The following MEOX2 variants were observed in gnomAD, a reference collection of about 807,000 sequenced individuals.
MEOX2 encodes homeobox protein MOX-2.
A neutral mutation model predicts 27.0 loss-of-function variants in MEOX2; 11 were observed. The observed-to-expected ratio is 0.41, with a 90% CI of 0.26 to 0.68. The LOEUF is 0.68. MEOX2 is among the 30% of genes least tolerant of loss of function. MEOX2 has a pLI of 0.33. For missense variants in MEOX2, 436 were observed against 385.4 expected (o/e 1.13, Z -1.10); for synonymous variants, 189 against 155.4 (o/e 1.22, Z -1.61).
At chr7:15,654,683 T>C (rs2115379332) in intron 1 of MEOX2, among the ~76,000 whole-genome samples, 1 of 151,954 alleles carries the variant, frequency 6.6e-6, no homozygotes. Context: ...GCTTTTAATA[T>C]GGTGAATTAC....
At chr7:15,613,592 AT>A (rs1268841100) in intron 2 of MEOX2, among the ~76,000 whole-genome samples, 1 of 152,062 alleles carries the variant, frequency 6.6e-6, no homozygotes, top group Non-Finnish European at 1.5e-5. Flanking sequence ...ACAAGCCTGA[AT>A]TTTGTGTGTC....
chr7:15,657,614 G>A (rs1781844540), intron 1 of MEOX2, among the ~76,000 whole-genome samples: 1 of 152,044 alleles, frequency 6.6e-6, no homozygotes, highest in Non-Finnish European at 1.5e-5. Flanking sequence ...TTTGTTCCAA[G>A]CATGTTTGTA....
chr7:15,621,834 A>G (rs1303243084), intron 2 of MEOX2, among the ~76,000 whole-genome samples: 1 of 152,186 alleles, frequency 6.6e-6, no homozygotes, highest in Non-Finnish European at 1.5e-5. Flanking sequence ...CAATTCTGTT[A>G]CAGGCCAGGT....
chr7:15,646,303 C>G (rs538531239), intron 1 of MEOX2, among the ~76,000 whole-genome samples: 4 of 152,170 alleles, frequency 2.6e-5, no homozygotes, highest in South Asian at 4.1e-4. Flanking sequence ...TCCTATAGCA[C>G]TTATATCTTC....
intron 1 of MEOX2, among the ~76,000 whole-genome samples, chr7:15,667,180 A>C (rs974437226): frequency 1.5e-4 from 23 of 150,072 alleles, no homozygotes; most frequent in African/African-American, 5.6e-4. Context: ...TGTCCCAGCT[A>C]CTTGGGAAGC....
chr7:15,672,928 C>T (rs76448893), intron 1 of MEOX2, among the ~76,000 whole-genome samples: 6,618 of 151,860 alleles, frequency 0.044, 451 homozygotes, highest in African/African-American at 0.14. Flanking sequence ...AGAAAGTATC[C>T]ATAAATATCA....
At chr7:15,615,696 A>G (rs968104282) in intron 2 of MEOX2, among the ~76,000 whole-genome samples, 1 of 151,848 alleles carries the variant, frequency 6.6e-6, no homozygotes, top group African/African-American at 2.4e-5. Context: ...CTCTACCTCA[A>G]TTTTCATATT....
At chr7:15,643,506 G>A (rs1273716199) in intron 1 of MEOX2, among the ~76,000 whole-genome samples, 1 of 152,154 alleles carries the variant, frequency 6.6e-6, no homozygotes, top group Non-Finnish European at 1.5e-5. Context: ...GGAGGGGGCT[G>A]CGGTTTGCAG....
chr7:15,638,898 T>G (rs1781522451), intron 1 of MEOX2, among the ~76,000 whole-genome samples: 1 of 152,120 alleles, frequency 6.6e-6, no homozygotes, highest in African/African-American at 2.4e-5. Context: ...GACATTTAGG[T>G]TGATTCCATA....
intron 1 of MEOX2, among the ~76,000 whole-genome samples, chr7:15,633,444 A>T (rs924612296): frequency 6.6e-6 from 1 of 151,936 alleles, no homozygotes; most frequent in Non-Finnish European, 1.5e-5. Flanking sequence ...TCTAATTTAC[A>T]GCTGTCAACA....
Position 15,686,393 on chromosome 7 carries a change from G to A in MEOX2, c.10C>T (p.Pro4Ser). The change falls in exon 1 of 3, where the codon CCG becomes TCG. Residue 4 changes from proline (P) to serine (S), a missense_variant. Pro to Ser is a moderately conservative substitution (Grantham distance 74). Transcript: ENST00000262041. MEH[P>S]LFGCLRSPHA... ...GGGCTGCGCAGGCAGCCAAAGAGCG[G>A]GTGTTCCATAGCATGCAAGTTTCGG... 4 of 1,571,844 alleles carry A rather than the reference G, an allele frequency of 2.5e-6. No individual in the cohort carries two copies. The highest frequency in any genetic ancestry group is 1.9e-5 in the Admixed American group (1 of 53,370).
chr7:15,613,238 A>C (rs967134438), intron 2 of MEOX2, among the ~76,000 whole-genome samples: 2 of 152,204 alleles, frequency 1.3e-5, no homozygotes, highest in Admixed American at 6.5e-5. Context: ...GGTCACAATA[A>C]AAAATTCTCA....
intron 1 of MEOX2, among the ~76,000 whole-genome samples, chr7:15,652,240 A>G (rs1003542066): frequency 2.6e-5 from 4 of 152,098 alleles, no homozygotes; most frequent in Admixed American, 2.6e-4. Context: ...ACTGATTTAT[A>G]GGATATTTTG....
At chr7:15,655,503 T>C (rs1297076523) in intron 1 of MEOX2, among the ~76,000 whole-genome samples, 1 of 151,740 alleles carries the variant, frequency 6.6e-6, no homozygotes, top group East Asian at 1.9e-4. Flanking sequence ...CCAATGTTCA[T>C]TTACTGTTAT....
At chr7:15,664,432 C>T (rs6947658) in intron 1 of MEOX2, among the ~76,000 whole-genome samples, 119,329 of 151,952 alleles carry the variant, frequency 0.79, 47,169 homozygotes, top group East Asian at 0.9. Context: ...TTGAGGTAAA[C>T]AACAATGAGT....
In MEOX2 at chr7:15,642,034, T is replaced by C. The variant is rs549973661; in HGVS notation, c.518-15116A>G. On this transcript the variant is annotated intron_variant, in intron 1 of 2. Coordinates refer to ENST00000262041, the MANE Select transcript of MEOX2 (RefSeq NM_005924.5). ...GTGATTTGACTATTTTCTTTATCGG[T>C]CTTTAAGATTTTTCCTTCATGTTGA... is the stretch of plus-strand genomic sequence containing the variant. Among the ~76,000 whole-genome samples the C allele has an allele frequency of 9.2e-5, 14 of 152,242 alleles. No individual in the cohort carries two copies. The South Asian group carries it at 2.9e-3, about 32-fold the overall frequency.
intron 1 of MEOX2, among the ~76,000 whole-genome samples, chr7:15,634,571 C>T (rs562665055): frequency 1.3e-5 from 2 of 151,982 alleles, no homozygotes; most frequent in South Asian, 2.1e-4. Context: ...TCCTAAATTG[C>T]CAATGTACTC....
chr7:15,643,410 C>G (rs2115372166), intron 1 of MEOX2, among the ~76,000 whole-genome samples: 1 of 152,244 alleles, frequency 6.6e-6, no homozygotes, highest in South Asian at 2.1e-4. Context: ...TGGTCAAGGT[C>G]TAGGGGCAGC....
chr7:15,648,639 T>C, intron 1 of MEOX2, among the ~76,000 whole-genome samples: 1 of 152,086 alleles, frequency 6.6e-6, no homozygotes, highest in East Asian at 1.9e-4. Context: ...AGACAATAGT[T>C]TATTTTGGCT....
Sources: allele counts gnomAD v4.1 joint callset (sites outside exome capture counted in the v4.1 genomes callset), GRCh38; gene constraint gnomAD v4.1.1; transcripts MANE v1.5; gene names NCBI Gene and HGNC (gene_info 2026-07-23, HGNC 2026-07-21).